The following CSMD3 variants were observed in gnomAD, a reference collection of about 807,000 sequenced individuals.
The protein encoded by CSMD3 is CUB and sushi domain-containing protein 3.
CSMD3 carries 177 observed loss-of-function variants against 435.2 expected under a neutral mutation model. The observed-to-expected ratio is 0.41, with a 90% CI of 0.36 to 0.46. CSMD3 has a LOEUF of 0.46. Ranked by LOEUF, CSMD3 falls within the 20% of genes least tolerant of loss-of-function variation. CSMD3 has a pLI of 0.34. For synonymous variants in CSMD3, 1,656 were observed against 1,520.5 expected (o/e 1.09, Z -2.07); for missense variants, 4,265 against 4,504.6 (o/e 0.95, Z 1.52).
Position 112,503,985 on chromosome 8 carries a change from A to G in CSMD3, c.4896-8T>C. On this transcript the variant is annotated splice_polypyrimidine_tract_variant and splice_region_variant and intron_variant, in intron 29 of 70. Coordinates refer to ENST00000297405, the MANE Select transcript of CSMD3 (RefSeq NM_198123.2). ...TTTGGTTCTATGCTAAAACTGAAAA[A>G]AAAAAGGAAAGAACAAAAGAAAGAA... 1 of 1,539,654 alleles carries G rather than the reference A, an allele frequency of 6.5e-7. No individual in the cohort carries two copies. The highest frequency in any genetic ancestry group is 9.0e-7 in the Non-Finnish European group (1 of 1,116,936).
At chr8:113,001,048 C>A (rs887914734) in intron 6 of CSMD3, among the ~76,000 whole-genome samples, 4 of 151,910 alleles carry the variant, frequency 2.6e-5, no homozygotes, top group Non-Finnish European at 5.9e-5. Flanking sequence ...AACATTCAAT[C>A]CTGTCAATTT....
At position 112,901,072 on chromosome 8, in the gene CSMD3, A is replaced by G. The variant is rs550606976; in HGVS notation, c.1633+20555T>C. On this transcript the variant is annotated intron_variant, in intron 10 of 70. Transcript: ENST00000297405. ...GTTTCTACTTGGTTTCAGACAAGTT[A>G]TGGTGAAGGTTATGTATACTAAGAA... Among the ~76,000 whole-genome samples the G allele has an allele frequency of 1.7e-4, 26 of 151,436 alleles. No individual in the cohort carries two copies. In the Middle Eastern group the frequency reaches 0.017, roughly 99 times the overall value.
intron 13 of CSMD3, among the ~76,000 whole-genome samples, chr8:112,763,499 TATTTGAAC>T (rs963401530): frequency 4.1e-4 from 61 of 150,392 alleles, no homozygotes; most frequent in African/African-American, 1.4e-3. Context: ...ATTCAAATAA[TATTTGAAC>T]ATTTGAACAT....
chr8:112,540,773 C>G (rs1171220905), intron 27 of CSMD3, among the ~76,000 whole-genome samples: 1 of 151,808 alleles, frequency 6.6e-6, no homozygotes, highest in Non-Finnish European at 1.5e-5. Context: ...TTACTAGATA[C>G]TGGGAATTGC....
At chr8:112,883,647 C>A (rs1173861142) in intron 10 of CSMD3, among the ~76,000 whole-genome samples, 1 of 151,874 alleles carries the variant, frequency 6.6e-6, no homozygotes, top group Non-Finnish European at 1.5e-5. Context: ...ATGTTAACAT[C>A]TCTTACAAAA....
At chr8:113,005,493 A>T (rs1361418708) in intron 6 of CSMD3, among the ~76,000 whole-genome samples, 1 of 152,000 alleles carries the variant, frequency 6.6e-6, no homozygotes, top group Non-Finnish European at 1.5e-5. Context: ...GACTTAAAAA[A>T]AATGTAACAT....
intron 5 of CSMD3, among the ~76,000 whole-genome samples, chr8:113,097,657 T>G (rs2090205264): frequency 6.6e-6 from 1 of 151,436 alleles, no homozygotes; most frequent in African/African-American, 2.4e-5. Context: ...GAAATATAGT[T>G]GTCTAGTAGA....
chr8:113,425,443 T>A (rs957880274), intron 1 of CSMD3, among the ~76,000 whole-genome samples: 22 of 151,442 alleles, frequency 1.5e-4, no homozygotes, highest in African/African-American at 5.1e-4. Flanking sequence ...AGGAAATTTT[T>A]AATAATTTTT....
intron 4 of CSMD3, among the ~76,000 whole-genome samples, chr8:113,147,320 G>A (rs1157305624): frequency 2.6e-5 from 4 of 151,588 alleles, no homozygotes; most frequent in Non-Finnish European, 5.9e-5. Context: ...ACTATATATT[G>A]CATAAAAGTT....
In CSMD3 at chr8:112,531,652, A is replaced by G. The variant is rs1417522598; in HGVS notation, c.4565-14427T>C. Among the ~76,000 whole-genome samples the G allele has an allele frequency of 5.3e-5, 8 of 152,318 alleles. No homozygotes were observed. In the East Asian group the frequency reaches 1.5e-3, roughly 29 times the overall value. On this transcript the variant is annotated intron_variant, in intron 27 of 70. Coordinates refer to ENST00000297405, the MANE Select transcript of CSMD3 (RefSeq NM_198123.2). ...TGGTTGCAGTGCAGTTGGACTTAGA[A>G]TACTCTCTAGTACTAAAACAGCTGC...
intron 47 of CSMD3, among the ~76,000 whole-genome samples, chr8:112,316,640 C>T (rs531132346): frequency 1.3e-5 from 2 of 151,756 alleles, no homozygotes; most frequent in African/African-American, 4.8e-5. Context: ...ACATTATCTC[C>T]GTTATCACAA....
intron 32 of CSMD3, among the ~76,000 whole-genome samples, chr8:112,444,210 A>T (rs1815353403): frequency 6.6e-6 from 1 of 152,344 alleles, no homozygotes; most frequent in South Asian, 2.1e-4. Flanking sequence ...AAAAAGACTG[A>T]TAATATTAAT....
chr8:113,326,263 T>A (rs2093983199), intron 1 of CSMD3, among the ~76,000 whole-genome samples: 1 of 152,104 alleles, frequency 6.6e-6, no homozygotes, highest in African/African-American at 2.4e-5. Context: ...GTTGATAGAG[T>A]TCAGTTGATT....
chr8:113,150,616 C>A (rs2091784252), intron 4 of CSMD3, among the ~76,000 whole-genome samples: 1 of 151,952 alleles, frequency 6.6e-6, no homozygotes, highest in African/African-American at 2.4e-5. Context: ...TTGCTTTTGT[C>A]TTAAGCTGCT....
rs1344147539 is a variant in CSMD3, at chr8:112,782,785, GACATA to G, written c.1972+17372_1972+17376del. On this transcript the variant is annotated intron_variant, in intron 13 of 70. Coordinates refer to ENST00000297405, the MANE Select transcript of CSMD3 (RefSeq NM_198123.2). Reference sequence around the variant, plus strand: ...GAAACCTTACAGGCCGGGAAAGAGTGACATAACATATTTAAAGTGCTGAAAGAAAA... The same window carrying G: ...GAAACCTTACAGGCCGGGAAAGAGTGACATATTTAAAGTGCTGAAAGAAAA... Among the ~76,000 whole-genome samples, 27 of 151,848 alleles carry G rather than the reference GACATA, an allele frequency of 1.8e-4. No homozygotes were observed. The East Asian group carries it at 5.3e-3, about 30-fold the overall frequency.
At chr8:113,225,690 G>A (rs1259793730) in intron 3 of CSMD3, among the ~76,000 whole-genome samples, 2 of 151,486 alleles carry the variant, frequency 1.3e-5, no homozygotes, top group East Asian at 3.9e-4. Flanking sequence ...TGGTATGAAT[G>A]TCAGATGAGT....
chr8:112,610,481 G>T (rs1563765893), intron 22 of CSMD3, among the ~76,000 whole-genome samples: 1 of 152,056 alleles, frequency 6.6e-6, no homozygotes, highest in Non-Finnish European at 1.5e-5. Flanking sequence ...TCAAATGGCA[G>T]TGATCAATAT....
intron 3 of CSMD3, among the ~76,000 whole-genome samples, chr8:113,199,573 C>A (rs186372437): frequency 6.6e-6 from 1 of 151,648 alleles, no homozygotes; most frequent in Non-Finnish European, 1.5e-5. Flanking sequence ...TTTTCCAACA[C>A]AAAATGTGCA....
intron 24 of CSMD3, among the ~76,000 whole-genome samples, chr8:112,567,289 T>C (rs1563712385): frequency 6.6e-6 from 1 of 152,168 alleles, no homozygotes; most frequent in Non-Finnish European, 1.5e-5. Context: ...TCCTTTAAGA[T>C]GGAGTCTGAA....
Sources: gnomAD v4.1 joint callset for allele counts (sites outside exome capture counted in the v4.1 genomes callset) on GRCh38, gnomAD v4.1.1 for gene constraint, MANE v1.5 for transcripts, NCBI Gene and HGNC (gene_info 2026-07-23, HGNC 2026-07-21) for gene names.